The following SNAP91 variants were observed in gnomAD, a reference collection of about 807,000 sequenced individuals.
The protein encoded by SNAP91 is synaptosome associated protein 91.
Under a neutral mutation model 100.3 loss-of-function variants are expected in SNAP91, and 27 were observed. That is an observed-to-expected ratio of 0.27 (90% CI 0.20 to 0.37). The LOEUF is 0.37. Ranked by LOEUF, SNAP91 falls within the 10% of genes least tolerant of loss-of-function variation. SNAP91 has a pLI of 1.00. For synonymous variants in SNAP91, 404 were observed against 398.6 expected (o/e 1.01, Z -0.16); for missense variants, 986 against 1,123.7 (o/e 0.88, Z 1.75).
At chr6:83,582,414 A>G (rs926052366) in intron 22 of SNAP91, 58 bp from the exon 23 acceptor site, 31 of 1,520,852 alleles carry the variant, frequency 2.0e-5, no homozygotes, top group Non-Finnish European at 2.6e-5. Context: ...TAAAGGCCAT[A>G]AAAACTGAAT....
intron 8 of SNAP91, among the ~76,000 whole-genome samples, chr6:83,628,573 T>G (rs2097071075): frequency 6.6e-6 from 1 of 151,778 alleles, no homozygotes; most frequent in Non-Finnish European, 1.5e-5. Context: ...CTTGCAGGAG[T>G]AAGGTGGTAT....
intron 2 of SNAP91, among the ~76,000 whole-genome samples, chr6:83,683,440 A>G (rs952151069): frequency 3.3e-5 from 5 of 152,062 alleles, no homozygotes; most frequent in Non-Finnish European, 7.4e-5. Flanking sequence ...TTCTTTCTCT[A>G]TTAGTTAATG....
intron 2 of SNAP91, among the ~76,000 whole-genome samples, chr6:83,692,672 T>C (rs1008995506): frequency 7.2e-5 from 11 of 152,154 alleles, no homozygotes; most frequent in African/African-American, 2.4e-4. Flanking sequence ...CACAAATCAG[T>C]GCCCTTTCTG....
intron 3 of SNAP91, among the ~76,000 whole-genome samples, chr6:83,663,607 T>C (rs1175996631): frequency 1.3e-5 from 2 of 152,090 alleles, no homozygotes; most frequent in African/African-American, 4.8e-5. Context: ...GTGAGGAAAC[T>C]GCAGAATAAA....
At chr6:83,631,594 CTTTT>C (rs948169604) in intron 8 of SNAP91, among the ~76,000 whole-genome samples, 1 of 151,904 alleles carries the variant, frequency 6.6e-6, no homozygotes, top group Non-Finnish European at 1.5e-5. Flanking sequence ...ATATAATGTC[CTTTT>C]TTTGTCTTTT....
In SNAP91 at chr6:83,657,818, G is replaced by A. The variant is rs2098443323; in HGVS notation, c.547-953C>T. Among the ~76,000 whole-genome samples, 2 of 150,522 alleles carry A rather than the reference G, an allele frequency of 1.3e-5. 1 individual carries two copies. The highest frequency in any genetic ancestry group is 4.2e-4 in the South Asian group (2 of 4,776). ...GTCTCACTCTGTCGTCTAGACTGGA[G>A]TGCAGTGGCATGATCTCAGCTCACT... On this transcript the variant is annotated intron_variant, in intron 6 of 29. Transcript: ENST00000369694.
chr6:83,602,291 C>A (rs1052327493), intron 14 of SNAP91, among the ~76,000 whole-genome samples: 31 of 151,778 alleles, frequency 2.0e-4, no homozygotes, highest in African/African-American at 7.5e-4. Context: ...TTTACACCAA[C>A]AGGAAAAAAA....
At chr6:83,579,918 T>C (rs760689250) in intron 24 of SNAP91, among the ~76,000 whole-genome samples, 2 of 152,170 alleles carry the variant, frequency 1.3e-5, no homozygotes, top group Admixed American at 6.5e-5. Context: ...TATCACACTA[T>C]AGAATTTATT....
intron 2 of SNAP91, among the ~76,000 whole-genome samples, chr6:83,695,356 A>C (rs1383937364): frequency 6.6e-6 from 1 of 151,388 alleles, no homozygotes; most frequent in East Asian, 1.9e-4. Context: ...TTATGGATTT[A>C]TGATCACACC....
intron 26 of SNAP91, among the ~76,000 whole-genome samples, chr6:83,574,455 T>G (rs1035800926): frequency 5.9e-5 from 9 of 152,144 alleles, no homozygotes; most frequent in Non-Finnish European, 1.0e-4. Context: ...TGTGAGTAGT[T>G]TCAATTTTTA....
intron 14 of SNAP91, among the ~76,000 whole-genome samples, chr6:83,603,105 T>C (rs1453312924): frequency 2.0e-5 from 3 of 152,190 alleles, no homozygotes; most frequent in Admixed American, 2.0e-4. Flanking sequence ...GCATAGTACT[T>C]GTCACAGGAG....
chr6:83,566,859 A>G (rs1434796162), intron 26 of SNAP91, among the ~76,000 whole-genome samples: 1 of 152,202 alleles, frequency 6.6e-6, no homozygotes, highest in Non-Finnish European at 1.5e-5. Flanking sequence ...TCAACAAAAT[A>G]TATTTTGTTG....
chr6:83,590,515 C>T (rs2093589880), intron 22 of SNAP91, among the ~76,000 whole-genome samples: 1 of 151,636 alleles, frequency 6.6e-6, no homozygotes, highest in African/African-American at 2.4e-5. Flanking sequence ...TGAGATCACC[C>T]CATGAGTTTT....
intron 8 of SNAP91, among the ~76,000 whole-genome samples, chr6:83,626,074 T>C (rs186498159): frequency 3.4e-4 from 52 of 152,216 alleles, no homozygotes; most frequent in African/African-American, 1.2e-3. Flanking sequence ...CTTTTGCATA[T>C]GGCTAGCCAG....
intron 7 of SNAP91, among the ~76,000 whole-genome samples, chr6:83,652,766 T>A (rs1045599049): frequency 6.6e-6 from 1 of 152,146 alleles, no homozygotes; most frequent in Non-Finnish European, 1.5e-5. Flanking sequence ...TCTTTTAGCA[T>A]TTTTCGCAAA....
At chr6:83,573,024 A>C (rs1046808898) in intron 26 of SNAP91, among the ~76,000 whole-genome samples, 3 of 152,194 alleles carry the variant, frequency 2.0e-5, no homozygotes, top group African/African-American at 7.2e-5. Context: ...CTACTTGCAC[A>C]AGAGAGTTTT....
intron 2 of SNAP91, among the ~76,000 whole-genome samples, chr6:83,700,487 A>G (rs1336126491): frequency 1.3e-5 from 2 of 151,978 alleles, no homozygotes; most frequent in African/African-American, 2.4e-5. Context: ...GGTATTTTAC[A>G]TGCATTATCT....
intron 2 of SNAP91, 71 bp from the exon 3 acceptor site, chr6:83,665,652 A>T (rs1479627107): frequency 1.4e-6 from 2 of 1,423,906 alleles, no homozygotes; most frequent in East Asian, 4.6e-5. Context: ...AACTTGGAAC[A>T]TATAAGCCTG....
chr6:83,667,070 T>C (rs557436368), intron 2 of SNAP91, among the ~76,000 whole-genome samples: 14 of 152,200 alleles, frequency 9.2e-5, no homozygotes, highest in Admixed American at 2.6e-4. Flanking sequence ...TGAGTCAACA[T>C]TGGAAGGTGT....
Sources: gnomAD v4.1 joint callset for allele counts (sites outside exome capture counted in the v4.1 genomes callset) on GRCh38, gnomAD v4.1.1 for gene constraint, MANE v1.5 for transcripts, NCBI Gene and HGNC (gene_info 2026-07-23, HGNC 2026-07-21) for gene names.